XRRA1: variants seen among roughly 807,000 people sequenced by gnomAD.
The protein encoded by XRRA1 is X-ray radiation resistance-associated protein 1.
XRRA1 carries 69 observed loss-of-function variants against 80.2 expected under a neutral mutation model. The observed-to-expected ratio is 0.86, with a 90% CI of 0.71 to 1.05. The LOEUF (loss-of-function observed/expected upper bound fraction) is 1.05. Ranked by LOEUF, XRRA1 falls within the 50% of genes least tolerant of loss-of-function variation. The pLI is 0.00. For synonymous variants in XRRA1, 348 were observed against 389.9 expected (o/e 0.89, Z 1.27); for missense variants, 967 against 976.4 (o/e 0.99, Z 0.13).
intron 10 of XRRA1, among the ~76,000 whole-genome samples, chr11:74,879,223 G>A (rs1198602770): frequency 6.7e-6 from 1 of 150,338 alleles, no homozygotes; most frequent in Admixed American, 6.6e-5. Context: ...TCTCTTTGAA[G>A]CAATTGTGAA....
intron 8 of XRRA1, among the ~76,000 whole-genome samples, chr11:74,920,823 GTTT>G (rs1293877121): frequency 1.3e-5 from 2 of 152,308 alleles, no homozygotes; most frequent in African/African-American, 2.4e-5. Context: ...CTACATATGT[GTTT>G]TTATTACTAT....
At chr11:74,920,954 G>A (rs57148054) in intron 8 of XRRA1, among the ~76,000 whole-genome samples, 283 of 152,320 alleles carry the variant, frequency 1.9e-3, no homozygotes, top group African/African-American at 6.5e-3. Context: ...GCTCATGAAG[G>A]AGAATTGTCT....
At chr11:74,897,634 T>C (rs2052638292) in intron 10 of XRRA1, among the ~76,000 whole-genome samples, 1 of 145,772 alleles carries the variant, frequency 6.9e-6, no homozygotes, top group South Asian at 2.1e-4. Context: ...GGAGCACCAA[T>C]ATATCTGGCA....
intron 10 of XRRA1, among the ~76,000 whole-genome samples, chr11:74,903,375 G>A (rs980305357): frequency 1.3e-5 from 2 of 152,174 alleles, no homozygotes; most frequent in Admixed American, 6.5e-5. Flanking sequence ...AATGTGTTTA[G>A]AGCATATATT....
chr11:74,852,656 G>A (rs1306462893), intron 12 of XRRA1, among the ~76,000 whole-genome samples: 1 of 152,198 alleles, frequency 6.6e-6, no homozygotes, highest in Non-Finnish European at 1.5e-5. Context: ...CCTCATGGCT[G>A]TCTGGGACAC....
At chr11:74,939,562 T>C (rs1440355563) in intron 3 of XRRA1, among the ~76,000 whole-genome samples, 1 of 152,180 alleles carries the variant, frequency 6.6e-6, no homozygotes, top group African/African-American at 2.4e-5. Context: ...TCCTGAGCAC[T>C]TCTTTACTTC....
At chr11:74,904,396 A>G (rs938719504) in intron 10 of XRRA1, among the ~76,000 whole-genome samples, 1 of 151,918 alleles carries the variant, frequency 6.6e-6, no homozygotes, top group Non-Finnish European at 1.5e-5. Context: ...GAGTTCAACA[A>G]TACAGTTTGA....
At chr11:74,857,143 T>C (rs655488) in intron 12 of XRRA1, among the ~76,000 whole-genome samples, 45,428 of 151,732 alleles carry the variant, frequency 0.3, 7,572 homozygotes, top group African/African-American at 0.44. Context: ...GAGATAAACT[T>C]CTCTGAGGTG....
chr11:74,861,965 G>A (rs7128739), intron 11 of XRRA1, among the ~76,000 whole-genome samples: 52,100 of 152,052 alleles, frequency 0.34, 9,734 homozygotes, highest in East Asian at 0.53. Context: ...TGGAGTCTGC[G>A]CAAACTCAGG....
intron 3 of XRRA1, among the ~76,000 whole-genome samples, chr11:74,940,558 G>A (rs1380592777): frequency 6.6e-6 from 1 of 152,216 alleles, no homozygotes; most frequent in Non-Finnish European, 1.5e-5. Flanking sequence ...GAATGACACA[G>A]AATGCCAGTT....
chr11:74,931,671 A>G (rs1177649823), intron 5 of XRRA1: 1 of 152,192 alleles, frequency 6.6e-6, no homozygotes, highest in Admixed American at 6.5e-5. Flanking sequence ...TTGTTTGAAT[A>G]TATTGCAAGT....
chr11:74,892,161 A>ATC (rs1225178340), intron 10 of XRRA1, among the ~76,000 whole-genome samples: 5 of 152,322 alleles, frequency 3.3e-5, no homozygotes, highest in African/African-American at 1.2e-4. Context: ...ACTGTACTAC[A>ATC]AGGCTACAGT....
At position 74,882,768 on chromosome 11, in the gene XRRA1, C is replaced by T. The variant is rs545082160; in HGVS notation, c.1004-19747G>A. On this transcript the variant is annotated intron_variant, in intron 10 of 18. Coordinates refer to ENST00000684022, the MANE Select transcript of XRRA1 (RefSeq NM_001378157.1). The stretch of plus-strand genomic sequence containing the variant: ...CTGCAGGTCTGTTGGAGTACCCTGC[C>T]GTGTGAGGTGTCAGTGTGCCCCTGC... 2.8e-3 allele frequency among the ~76,000 whole-genome samples: 430 copies of T among 152,096 alleles called. 16 individuals are homozygous for T. In the East Asian group the frequency reaches 0.069, roughly 24 times the overall value.
In XRRA1 at chr11:74,844,286, A is replaced by T; in HGVS notation, c.1928-3T>A. The T allele has an allele frequency of 6.2e-7, 1 of 1,610,460 alleles. No individual in the cohort carries two copies. The highest frequency in any genetic ancestry group is 1.3e-5 in the African/African-American group (1 of 74,924). ...GGCTTGTGCATTCTTCTGGATTCCT[A>T]GGGCAAGAAGGCAAGACTGAGTCAA... On this transcript the variant is annotated splice_polypyrimidine_tract_variant and splice_region_variant and intron_variant, in intron 16 of 18. Transcript: ENST00000684022.
chr11:74,894,668 TC>T (rs1183660352), intron 10 of XRRA1, among the ~76,000 whole-genome samples: 5 of 152,180 alleles, frequency 3.3e-5, no homozygotes. Context: ...GCCACCATGA[TC>T]CAATGACTTC....
chr11:74,873,194 C>T (rs2045273851), intron 10 of XRRA1, among the ~76,000 whole-genome samples: 1 of 152,150 alleles, frequency 6.6e-6, no homozygotes, highest in South Asian at 2.1e-4. Flanking sequence ...AAAGCCAAGG[C>T]TAGGAAGGGG....
intron 2 of XRRA1, among the ~76,000 whole-genome samples, chr11:74,943,561 G>A (rs922896878): frequency 6.9e-6 from 1 of 145,192 alleles, no homozygotes; most frequent in African/African-American, 2.6e-5. Context: ...GTGTGTGTGT[G>A]TATGTGTCAG....
At chr11:74,859,358 A>G in intron 11 of XRRA1, 75 bp from the exon 12 acceptor site, 2 of 1,480,350 alleles carry the variant, frequency 1.4e-6, no homozygotes, top group Non-Finnish European at 1.8e-6. Flanking sequence ...AGACCCTTTC[A>G]ATGGAACAGG....
Position 74,848,339 on chromosome 11 carries a change from G to C in XRRA1, c.1504C>G (p.Pro502Ala), listed in dbSNP as rs771635204. ...TCCACAGAAGTGCTTTTGGTAGTGGGCAGATCTTCAGCCAGCTCTGCCTCT... is the reference window on the plus strand; with the variant it reads ...TCCACAGAAGTGCTTTTGGTAGTGGCCAGATCTTCAGCCAGCTCTGCCTCT... ...EPEAELAEDLPTTKSTSVESE... is the reference protein window; with the variant it reads ...EPEAELAEDLATTKSTSVESE... The change falls in exon 15 of 19, where the codon CCC becomes GCC. Residue 502 changes from proline (P) to alanine (A), a missense_variant. Transcript: ENST00000684022. The C allele has an allele frequency of 1.2e-6, 2 of 1,613,852 alleles. No homozygotes were observed. Among genetic ancestry groups the C allele is most frequent in the Non-Finnish European group, 1.7e-6 (2 of 1,179,824 alleles).
Sources: gnomAD v4.1 joint callset for allele counts (sites outside exome capture counted in the v4.1 genomes callset) on GRCh38, gnomAD v4.1.1 for gene constraint, MANE v1.5 for transcripts, NCBI Gene and HGNC (gene_info 2026-07-23, HGNC 2026-07-21) for gene names.